RTEL1: variants seen among roughly 807,000 people sequenced by gnomAD.
RTEL1 encodes the protein regulator of telomere elongation helicase 1.
In RTEL1, 86 loss-of-function variants were observed where a neutral mutation model predicts 162.2. That is an observed-to-expected ratio of 0.53 (90% CI 0.45 to 0.63). The LOEUF is 0.63. Ranked by LOEUF, RTEL1 falls within the 30% of genes least tolerant of loss-of-function variation. The pLI is 0.00. For synonymous variants in RTEL1, 958 were observed against 717.9 expected, an observed-to-expected ratio of 1.33 and a Z score of -5.35; for missense variants, 1,941 against 1,750.2, an observed-to-expected ratio of 1.11 and a Z score of -1.95.
In RTEL1 at chr20:63,668,193, A is replaced by G. The variant is rs945965017; in HGVS notation, c.699+640A>G. 4.6e-5 allele frequency among the ~76,000 whole-genome samples: 7 copies of G among 151,086 alleles called. No individual in the cohort carries two copies. The highest frequency in any genetic ancestry group is 1.3e-4 in the Admixed American group (2 of 15,204). ...GCCCGGCCCTGCTGCCCTCCTCCCCATGTGCCCTGCTTTTGTGCCCCACAC... is the reference window on the plus strand; with the variant it reads ...GCCCGGCCCTGCTGCCCTCCTCCCCGTGTGCCCTGCTTTTGTGCCCCACAC... On this transcript the variant is annotated intron_variant, in intron 8 of 34. Transcript: ENST00000360203. This position sits in a 1 kb window ranked among gnomAD's most constrained non-coding sequence, Gnocchi z 4.3.
At chr20:63,663,384 G>C (rs564953364) in intron 6 of RTEL1, among the ~76,000 whole-genome samples, 1 of 152,302 alleles carries the variant, frequency 6.6e-6, no homozygotes, top group South Asian at 2.1e-4. Context: ...TTATGGCCCT[G>C]AGTGTGACTC....
rs911551357 is a variant in RTEL1 at position 63,692,809 on chromosome 20, A to G, written c.2657A>G (p.Glu886Gly). 5.6e-6 allele frequency: 9 copies of G among 1,609,622 alleles called. No individual in the cohort carries two copies. Among genetic ancestry groups the G allele is most frequent in the South Asian group, 2.2e-5 (2 of 91,028 alleles). The change falls in exon 29 of 35, where the codon GAG (glutamate) becomes GGG (glycine). Residue 886 changes from glutamate to glycine, a missense_variant. Coordinates refer to ENST00000360203, the MANE Select transcript of RTEL1 (RefSeq NM_001283009.2). ...CCTCGGGCCTGTGTCCTGCAGGAGG[A>G]GCCCGTGGCTGGTGCACAGACGGAC... ...KKIRLVSHPE[E>G]PVAGAQTDRA... is the part of the protein sequence containing the mutation.
At chr20:63,671,210 G>A (rs1375838078) in intron 8 of RTEL1, among the ~76,000 whole-genome samples, 6 of 151,880 alleles carry the variant, frequency 4.0e-5, no homozygotes, top group Admixed American at 2.0e-4. Context: ...ACAGGCACCC[G>A]CCACCACACC....
chr20:63,693,186 G>C lies in RTEL1; in HGVS notation c.2895G>C (p.Glu965Asp), dbSNP rs745327960. 4 of 1,612,184 alleles carry C rather than the reference G, an allele frequency of 2.5e-6. No homozygotes were observed. Among genetic ancestry groups the C allele is most frequent in the South Asian group, 1.1e-5 (1 of 91,090 alleles). Residue 965 changes from glutamate (E) to aspartate (D), a missense_variant, in exon 30 of 35, where the codon GAG becomes GAC. Transcript: ENST00000360203. ...FVRPHHKQQF[E>D]EVCIQLTGRG... The stretch of plus-strand genomic sequence containing the variant: ...GGCCCCACCATAAGCAGCAGTTTGA[G>C]GAGGTCTGTATCCAGCTGACAGGAC...
In RTEL1 at chr20:63,668,541, G is replaced by C. The variant is rs748817137; in HGVS notation, c.699+988G>C. On this transcript the variant is annotated intron_variant, in intron 8 of 34. Transcript: ENST00000360203. The surrounding 1 kb of genome is among the most constrained non-coding windows in gnomAD (Gnocchi z 4.3). ...CCAAGTGCGATGTCGGCGGGAGGTG[G>C]GGAATGCTGGTGGGTCTGAGGGGAG... 7.9e-5 allele frequency among the ~76,000 whole-genome samples: 12 copies of C among 152,182 alleles called. No homozygotes were observed. The highest frequency in any genetic ancestry group is 1.8e-4 in the Non-Finnish European group (12 of 68,034).
intron 6 of RTEL1, 187 bp downstream of exon 6, chr20:63,663,076 G>A: frequency 1.6e-6 from 1 of 633,646 alleles, no homozygotes; most frequent in South Asian, 1.8e-5. Flanking sequence ...CTCACACAGT[G>A]GTCTGAGACA....
Position 63,683,227 on chromosome 20 carries a change from A to G in RTEL1, c.1192-2296A>G, listed in dbSNP as rs751032393. On this transcript the variant is annotated intron_variant, in intron 14 of 34. Transcript: ENST00000360203. ...GCAGTCTGCCCGCCTTGGCCTCCCA[A>G]AGTGCTGGGATTACAGGCAAGAGCT... Among the ~76,000 whole-genome samples the G allele has an allele frequency of 5.3e-5, 8 of 152,276 alleles. No homozygotes were observed. The South Asian group carries it at 8.3e-4, about 16-fold the overall frequency.
intron 12 of RTEL1, 74 bp from the exon 13 acceptor site, chr20:63,679,775 T>TG (rs2090444847): frequency 2.5e-6 from 3 of 1,182,956 alleles, no homozygotes; most frequent in Admixed American, 3.4e-5. Flanking sequence ...CGAGCCTGCC[T>TG]TCTTCTCCTC....
chr20:63,671,473 A>G (rs2090239899), intron 8 of RTEL1, among the ~76,000 whole-genome samples: 2 of 151,648 alleles, frequency 1.3e-5, no homozygotes, highest in Admixed American at 1.3e-4. Flanking sequence ...TAAAATGAAC[A>G]TCTTAATGTG....
In RTEL1 at chr20:63,691,806, GGAGGAA is replaced by G; in HGVS notation, c.2624_2629del (p.Arg875_Lys876del). 6.2e-7 allele frequency: 1 copy of G among 1,612,238 alleles called. No individual in the cohort carries two copies. Among genetic ancestry groups the G allele is most frequent in the Non-Finnish European group, 8.5e-7 (1 of 1,179,824 alleles). On this transcript the variant is annotated inframe_deletion, in exon 28 of 35. Coordinates refer to ENST00000360203, the MANE Select transcript of RTEL1 (RefSeq NM_001283009.2). ...AGGCCGGCAGAAGAACCGCGAGGAG[GGAGGAA>G]GAAGATCCGGCTGGTCAGCCACCCG...
intron 12 of RTEL1, among the ~76,000 whole-genome samples, chr20:63,678,942 C>T (rs1209959275): frequency 6.6e-6 from 1 of 152,162 alleles, no homozygotes; most frequent in African/African-American, 2.4e-5. Context: ...CCACGCGGGG[C>T]CGCTGGGTTT....
At chr20:63,695,045 T>C in intron 32 of RTEL1, 21 bp from the exon 33 acceptor site, 2 of 1,609,972 alleles carry the variant, frequency 1.2e-6, no homozygotes, top group Non-Finnish European at 1.7e-6. Context: ...CTGTGCCGGG[T>C]CTGATTGAAG....
At chr20:63,687,892 T>G in intron 17 of RTEL1, 45 bp from the exon 18 acceptor site, 6 of 1,603,894 alleles carry the variant, frequency 3.7e-6, no homozygotes, top group Non-Finnish European at 5.1e-6. Context: ...GCTAAAGGGG[T>G]GCTGGTGCAC....
intron 10 of RTEL1, among the ~76,000 whole-genome samples, chr20:63,676,806 A>G (rs62207043): frequency 0.58 from 87,654 of 151,548 alleles, 25,671 homozygotes; most frequent in African/African-American, 0.62. Flanking sequence ...GTGGTGGTGC[A>G]TGCTTGTAAT....
intron 10 of RTEL1, among the ~76,000 whole-genome samples, chr20:63,677,630 T>G (rs984344688): frequency 6.6e-6 from 1 of 152,124 alleles, no homozygotes; most frequent in Non-Finnish European, 1.5e-5. Flanking sequence ...AATAGATAAA[T>G]AAAGATAAAA....
intron 12 of RTEL1, among the ~76,000 whole-genome samples, chr20:63,678,912 C>A (rs903014020): frequency 1.3e-5 from 2 of 152,152 alleles, no homozygotes; most frequent in Middle Eastern, 3.4e-3. Context: ...ACACACACAC[C>A]CACGGAACAG....
chr20:63,667,679 C>T, intron 8 of RTEL1, 126 bp downstream of exon 8: 1 of 768,300 alleles, frequency 1.3e-6, no homozygotes, highest in Admixed American at 1.9e-5. Flanking sequence ...GAGGACTCAC[C>T]TCTGTCACTG....
At chr20:63,676,300 A>G (rs917422473) in intron 10 of RTEL1, among the ~76,000 whole-genome samples, 3 of 151,930 alleles carry the variant, frequency 2.0e-5, no homozygotes, top group African/African-American at 4.8e-5. Context: ...CAGGCCGTTT[A>G]CCCTGCAGAG....
Position 63,685,803 on chromosome 20 carries a change from C to T in RTEL1, c.1279C>T (p.Pro427Ser). 1 of 1,612,420 alleles carries T rather than the reference C, an allele frequency of 6.2e-7. No individual in the cohort carries two copies. Among genetic ancestry groups the T allele is most frequent in the Non-Finnish European group, 8.5e-7 (1 of 1,179,842 alleles). ...CTGTCCCCTCCAGGTGCACATCCATCCTGATGCTGGTCACCGGAGGACGGC... is the reference window on the plus strand; with the variant it reads ...CTGTCCCCTCCAGGTGCACATCCATTCTGATGCTGGTCACCGGAGGACGGC... ...ALQSYKVHIHPDAGHRRTAQR... is the reference protein window; with the variant it reads ...ALQSYKVHIHSDAGHRRTAQR... Residue 427 changes from proline to serine, a missense_variant, in exon 16 of 35, where the codon CCT (proline) becomes TCT (serine). By Grantham distance (74) the Pro-to-Ser change is moderately conservative. Coordinates refer to ENST00000360203, the MANE Select transcript of RTEL1 (RefSeq NM_001283009.2).
Sources: gnomAD v4.1 joint callset for allele counts (sites outside exome capture counted in the v4.1 genomes callset) on GRCh38, gnomAD v4.1.1 for gene constraint, Gnocchi (gnomAD v3.1) non-coding constraint, MANE v1.5 for transcripts, NCBI Gene and HGNC (gene_info 2026-07-23, HGNC 2026-07-21) for gene names.